Variants in PID1 observed in about 807,000 individuals in gnomAD.
PID1 encodes PTB-containing, cubilin and LRP1-interacting protein.
Under a neutral mutation model 19.1 loss-of-function variants are expected in PID1, and 10 were observed. The ratio of observed to expected loss-of-function variants is 0.52; its 90% confidence interval spans 0.32 to 0.89. The LOEUF (loss-of-function observed/expected upper bound fraction) is 0.89. Ranked by LOEUF, PID1 falls within the 40% of genes least tolerant of loss-of-function variation. The pLI, the probability that PID1 is intolerant of heterozygous loss-of-function variation, is 0.03. For missense variants in PID1, 248 were observed against 285.3 expected, an observed-to-expected ratio of 0.87 and a Z score of 0.94; for synonymous variants, 130 against 116.0, an observed-to-expected ratio of 1.12 and a Z score of -0.78.
At chr2:229,195,386 TATATAC>T (rs1321695675) in intron 1 of PID1, among the ~76,000 whole-genome samples, 5 of 151,676 alleles carry the variant, frequency 3.3e-5, no homozygotes, top group East Asian at 3.9e-4. Context: ...AACACACATG[TATATAC>T]ATATACATAC....
intron 2 of PID1, among the ~76,000 whole-genome samples, chr2:229,132,332 G>A (rs1378079955): frequency 1.3e-5 from 2 of 152,056 alleles, no homozygotes; most frequent in South Asian, 4.1e-4. Context: ...TTACAGGATG[G>A]GCTATCACGA....
chr2:229,258,708 A>G (rs1690370974), intron 1 of PID1, among the ~76,000 whole-genome samples: 1 of 152,102 alleles, frequency 6.6e-6, no homozygotes, highest in Non-Finnish European at 1.5e-5. Flanking sequence ...AATACAAAAA[A>G]TTAGCCGGGC....
At chr2:229,146,028 A>G (rs572485903) in intron 2 of PID1, among the ~76,000 whole-genome samples, 20 of 152,326 alleles carry the variant, frequency 1.3e-4, no homozygotes, top group African/African-American at 4.6e-4. Flanking sequence ...AGAAAAAATA[A>G]ACATAACCTA....
chr2:229,110,955 C>A (rs578131346), intron 2 of PID1, among the ~76,000 whole-genome samples: 1 of 152,166 alleles, frequency 6.6e-6, no homozygotes, highest in African/African-American at 2.4e-5. Context: ...GTGGGAGAGA[C>A]CTGATGGGAG....
At chr2:229,074,359 A>G (rs948458972) in intron 2 of PID1, among the ~76,000 whole-genome samples, 1 of 152,196 alleles carries the variant, frequency 6.6e-6, no homozygotes, top group African/African-American at 2.4e-5. Context: ...ATGCAGCCGC[A>G]ACAATAAGAT....
rs1693827167 is a variant in PID1 at position 229,044,099 on chromosome 2, A to C, written c.178-17991T>G. Among the ~76,000 whole-genome samples, 4 of 152,032 alleles carry C rather than the reference A, an allele frequency of 2.6e-5. No homozygotes were observed. In the South Asian group the frequency reaches 8.3e-4, roughly 32 times the overall value. On this transcript the variant is annotated intron_variant, in intron 2 of 2. Coordinates refer to ENST00000392055, the MANE Select transcript of PID1 (RefSeq NM_001100818.2). ...GAACTTTATTTTTATTGTTTTAGGA[A>C]ATGTCTCTTTATGATGAATGTCCTT...
chr2:229,095,800 A>T (rs1280171217), intron 2 of PID1, among the ~76,000 whole-genome samples: 1 of 152,006 alleles, frequency 6.6e-6, no homozygotes, highest in African/African-American at 2.4e-5. Flanking sequence ...GAGCAGTCAT[A>T]AAAAAAAGTC....
intron 2 of PID1, among the ~76,000 whole-genome samples, chr2:229,134,231 G>GTTTTTTTTTTTTTTTTGTTTTTTTT (rs1689808687): frequency 9.2e-6 from 1 of 109,220 alleles, no homozygotes; most frequent in South Asian, 3.9e-4. Context: ...TACTACCTGT[G>GTTTTTTTTTTTTTTTTGTTTTTTTT]TTTTTTTTTT....
intron 1 of PID1, among the ~76,000 whole-genome samples, chr2:229,211,082 A>G (rs1020832536): frequency 6.6e-6 from 1 of 152,210 alleles, no homozygotes; most frequent in Non-Finnish European, 1.5e-5. Context: ...TCTGTCCCCA[A>G]AAGTGAGAAA....
intron 1 of PID1, among the ~76,000 whole-genome samples, chr2:229,178,441 T>A (rs115812985): frequency 0.015 from 2,339 of 152,292 alleles, 59 homozygotes; most frequent in African/African-American, 0.053. Context: ...AAATTTTAGC[T>A]TATTTTCTTC....
At chr2:229,258,959 G>A (rs1212332111) in intron 1 of PID1, among the ~76,000 whole-genome samples, 1 of 151,296 alleles carries the variant, frequency 6.6e-6, no homozygotes, top group Non-Finnish European at 1.5e-5. Flanking sequence ...TCCATCCTCA[G>A]GTAACTACTG....
At chr2:229,075,174 C>A (rs1180757262) in intron 2 of PID1, among the ~76,000 whole-genome samples, 1 of 152,028 alleles carries the variant, frequency 6.6e-6, no homozygotes, top group African/African-American at 2.4e-5. Flanking sequence ...ATTTCATGTA[C>A]GAGGAACGTA....
chr2:229,116,223 T>C (rs558321615), intron 2 of PID1, among the ~76,000 whole-genome samples: 1 of 152,236 alleles, frequency 6.6e-6, no homozygotes, highest in African/African-American at 2.4e-5. Flanking sequence ...CGAGACTCTG[T>C]CTCAAAATAA....
rs142233986 is a variant in PID1, at chr2:229,113,956, T to C, written c.177+41862A>G. Among the ~76,000 whole-genome samples the C allele has an allele frequency of 2.0e-5, 3 of 152,230 alleles. No individual in the cohort carries two copies. The East Asian group carries it at 5.8e-4, about 29-fold the overall frequency. ...TTACAGTAAAGCAGATGACCTTCCATAATGGGAGTCAGTCTCACCCAGGCA... is the reference window on the plus strand; with the variant it reads ...TTACAGTAAAGCAGATGACCTTCCACAATGGGAGTCAGTCTCACCCAGGCA... On this transcript the variant is annotated intron_variant, in intron 2 of 2. Coordinates refer to ENST00000392055, the MANE Select transcript of PID1 (RefSeq NM_001100818.2).
intron 2 of PID1, among the ~76,000 whole-genome samples, chr2:229,039,590 G>A (rs1163940153): frequency 6.6e-6 from 1 of 152,114 alleles, no homozygotes; most frequent in Non-Finnish European, 1.5e-5. Flanking sequence ...AATATATTTG[G>A]TAGAAAACTG....
At chr2:229,262,699 A>C in intron 1 of PID1, 1 of 1,551,502 alleles carries the variant, frequency 6.4e-7, no homozygotes, top group South Asian at 1.2e-5. Context: ...GGAGGCTGGA[A>C]GTCCAAAATG....
intron 1 of PID1, among the ~76,000 whole-genome samples, chr2:229,241,593 G>A (rs1689871264): frequency 6.6e-6 from 1 of 152,074 alleles, no homozygotes; most frequent in Non-Finnish European, 1.5e-5. Flanking sequence ...AATTCTGAAA[G>A]CTACTCAAAC....
intron 2 of PID1, among the ~76,000 whole-genome samples, chr2:229,038,280 T>C (rs1348853766): frequency 6.6e-5 from 10 of 152,184 alleles, no homozygotes; most frequent in Admixed American, 6.6e-4. Context: ...AAACTAGCAG[T>C]CCAGATGTCT....
intron 1 of PID1, among the ~76,000 whole-genome samples, chr2:229,269,449 C>CA (rs1236090749): frequency 6.6e-6 from 1 of 152,280 alleles, no homozygotes; most frequent in East Asian, 1.9e-4. Context: ...CTTGAATAGT[C>CA]AAAAATCTAC....
Sources: gnomAD v4.1 joint callset for allele counts (sites outside exome capture counted in the v4.1 genomes callset) on GRCh38, gnomAD v4.1.1 for gene constraint, MANE v1.5 for transcripts, NCBI Gene and HGNC (gene_info 2026-07-23, HGNC 2026-07-21) for gene names.